Variants in VGLL4 observed in about 807,000 individuals in gnomAD.
The protein encoded by VGLL4 is vestigial like family member 4.
A neutral mutation model predicts 21.0 loss-of-function variants in VGLL4; 7 were observed. That is an observed-to-expected ratio of 0.33 (90% CI 0.19 to 0.63). The LOEUF is 0.63. VGLL4 is among the 20% of genes least tolerant of loss of function. The pLI is 0.78. For missense variants in VGLL4, 394 were observed against 425.7 expected, an observed-to-expected ratio of 0.93 and a Z score of 0.66; for synonymous variants, 222 against 173.2, an observed-to-expected ratio of 1.28 and a Z score of -2.21.
chr3:11,595,580 C>T (rs901914596), intron 2 of VGLL4, among the ~76,000 whole-genome samples: 49 of 151,928 alleles, frequency 3.2e-4, no homozygotes, highest in Admixed American at 1.6e-3. Context: ...AGACTTGGAA[C>T]CAACCCAAAT....
chr3:11,658,649 T>TTTTTTTTTTTTTTTTTTTGAG (rs1407105707), intron 2 of VGLL4, among the ~76,000 whole-genome samples: 1 of 151,002 alleles, frequency 6.6e-6, no homozygotes, highest in Non-Finnish European at 1.5e-5. Flanking sequence ...TCTTTCCTTT[T>TTTTTTTTTTTTTTTTTTTGAG]ATCCAGCCGG....
chr3:11,609,298 C>T (rs77012119), intron 1 of VGLL4, among the ~76,000 whole-genome samples: 14,062 of 152,150 alleles, frequency 0.092, 1,965 homozygotes, highest in African/African-American at 0.3. Flanking sequence ...TTTTACTGCT[C>T]ATCAAGAAAT....
intron 2 of VGLL4, among the ~76,000 whole-genome samples, chr3:11,672,177 G>A (rs879134572): frequency 2.6e-5 from 4 of 152,316 alleles, no homozygotes; most frequent in Admixed American, 2.0e-4. Flanking sequence ...TCATCATCCT[G>A]TAAAGATAAC....
chr3:11,641,558 A>G (rs2075688423), intron 1 of VGLL4, among the ~76,000 whole-genome samples: 1 of 152,246 alleles, frequency 6.6e-6, no homozygotes, highest in African/African-American at 2.4e-5. Context: ...CCACTAGGAC[A>G]TCAACAATTC....
chr3:11,622,080 A>T (rs536627814), intron 1 of VGLL4, among the ~76,000 whole-genome samples: 1 of 152,310 alleles, frequency 6.6e-6, no homozygotes, highest in African/African-American at 2.4e-5. Context: ...ATATTTTCCC[A>T]TTCTATGAGT....
At chr3:11,629,228 G>T (rs2075424727) in intron 1 of VGLL4, among the ~76,000 whole-genome samples, 1 of 152,114 alleles carries the variant, frequency 6.6e-6, no homozygotes, top group African/African-American at 2.4e-5. Flanking sequence ...GTTGTTTCTG[G>T]GGTGTAGCCA....
chr3:11,596,225 G>A (rs2074636735), intron 2 of VGLL4, among the ~76,000 whole-genome samples: 1 of 152,014 alleles, frequency 6.6e-6, no homozygotes, highest in African/African-American at 2.4e-5. Flanking sequence ...TGAAAGGATG[G>A]AAAAAGTCTA....
chr3:11,705,605 AACTG>A (rs1447473294), intron 1 of VGLL4, among the ~76,000 whole-genome samples: 2 of 152,256 alleles, frequency 1.3e-5, no homozygotes, highest in Non-Finnish European at 2.9e-5. Flanking sequence ...AAGAACTTGG[AACTG>A]ACTAACAGAA....
intron 1 of VGLL4, among the ~76,000 whole-genome samples, chr3:11,622,213 A>G (rs1448797666): frequency 1.3e-5 from 2 of 152,198 alleles, no homozygotes; most frequent in African/African-American, 4.8e-5. Flanking sequence ...TTTGATTACA[A>G]ATGTTCTTCT....
chr3:11,688,354 C>A (rs2076480683), intron 2 of VGLL4, among the ~76,000 whole-genome samples: 1 of 152,100 alleles, frequency 6.6e-6, no homozygotes, highest in South Asian at 2.1e-4. Context: ...AAATCTGTTT[C>A]TTTAGGATTT....
intron 2 of VGLL4, among the ~76,000 whole-genome samples, chr3:11,677,922 A>C (rs2076317687): frequency 6.6e-6 from 1 of 151,620 alleles, no homozygotes; most frequent in South Asian, 2.1e-4. Context: ...AAAAAAAAAA[A>C]AAAGGAAAAG....
chr3:11,681,925 T>A (rs1000239293), intron 2 of VGLL4, among the ~76,000 whole-genome samples: 1 of 152,030 alleles, frequency 6.6e-6, no homozygotes, highest in South Asian at 2.1e-4. Context: ...TGTGGCCACA[T>A]CTCCAAGGCA....
Position 11,715,557 on chromosome 3 carries a change from C to T in VGLL4, c.-14+4837G>A, listed in dbSNP as rs531118766. ...CCATGTTGGCCAGGCTGGTCTCAAA[C>T]TCCTGACCTCAGGTGATCCACCTGC... is the stretch of plus-strand genomic sequence containing the variant. On this transcript the variant is annotated intron_variant, in intron 1 of 5. Transcript: ENST00000273038. Among the ~76,000 whole-genome samples the T allele has an allele frequency of 1.5e-4, 23 of 152,282 alleles. 1 individual carries two copies. The highest frequency in any genetic ancestry group is 5.5e-4 in the African/African-American group (23 of 41,572).
intron 1 of VGLL4, among the ~76,000 whole-genome samples, chr3:11,634,355 A>C (rs1170228555): frequency 6.6e-6 from 1 of 151,850 alleles, no homozygotes; most frequent in Non-Finnish European, 1.5e-5. Flanking sequence ...ATCCATCACC[A>C]ATCCCTGCCA....
upstream of VGLL4, among the ~76,000 whole-genome samples, chr3:11,645,690 G>T (rs1233453257): frequency 2.0e-5 from 3 of 151,346 alleles, no homozygotes; most frequent in African/African-American, 7.3e-5. Flanking sequence ...TTACTTGGGA[G>T]TCCGGATGCG....
intron 2 of VGLL4, among the ~76,000 whole-genome samples, chr3:11,597,976 T>A (rs2074688299): frequency 6.6e-6 from 1 of 152,130 alleles, no homozygotes; most frequent in South Asian, 2.1e-4. Flanking sequence ...AACCTCTCTT[T>A]TTTTCCCCTT....
intron 2 of VGLL4, among the ~76,000 whole-genome samples, chr3:11,583,919 C>T (rs1428544640): frequency 6.6e-6 from 1 of 152,224 alleles, no homozygotes; most frequent in Admixed American, 6.5e-5. Context: ...TGATGACACA[C>T]AAACAATAAG....
At chr3:11,581,845 T>C (rs529395403) in intron 2 of VGLL4, among the ~76,000 whole-genome samples, 7 of 152,228 alleles carry the variant, frequency 4.6e-5, no homozygotes, top group African/African-American at 1.2e-4. Flanking sequence ...CTGGACTGAG[T>C]GGGAAGAAAA....
intron 2 of VGLL4, among the ~76,000 whole-genome samples, chr3:11,673,956 G>A (rs1313996874): frequency 2.1e-5 from 3 of 142,878 alleles, no homozygotes; most frequent in African/African-American, 7.8e-5. Context: ...AGGTTGCAGT[G>A]AGCTGAGATC....
Sources: gnomAD v4.1 joint callset for allele counts (sites outside exome capture counted in the v4.1 genomes callset) on GRCh38, gnomAD v4.1.1 for gene constraint, MANE v1.5 for transcripts, NCBI Gene and HGNC (gene_info 2026-07-23, HGNC 2026-07-21) for gene names.